MALRD1: variants seen among roughly 807,000 people sequenced by gnomAD.
MALRD1 encodes MAM and LDL-receptor class A domain-containing protein 1.
MALRD1 carries 247 observed loss-of-function variants against 242.1 expected under a neutral mutation model. The observed-to-expected ratio is 1.02, with a 90% CI of 0.92 to 1.13. MALRD1 has a LOEUF of 1.13. Among genes scored for constraint, MALRD1 ranks in the 50% most tolerant of loss-of-function variants. The pLI, the probability that MALRD1 is intolerant of heterozygous loss-of-function variation, is 0.00. For synonymous variants in MALRD1, 995 were observed against 866.6 expected (o/e 1.15, Z -2.60); for missense variants, 2,989 against 2,533.1 (o/e 1.18, Z -3.86).
In MALRD1 at chr10:19,216,115, C is replaced by CTT. The variant is rs1203339393; in HGVS notation, c.2991+6437_2991+6438dup. ...TTTCTACTTCTTTCTTTCTTTCTTT[C>CTT]TTTCTTTTTTTTTTTTTTTTGAGAC... On this transcript the variant is annotated intron_variant, in intron 18 of 39. Transcript: ENST00000454679. 7.5e-3 allele frequency among the ~76,000 whole-genome samples: 859 copies of CTT among 114,158 alleles called. 12 individuals carry two copies. The highest frequency in any genetic ancestry group is 0.024 in the African/African-American group (818 of 34,116). The allele number at this position is 114,158 out of a possible 152,430, so 74.9% of individuals were successfully genotyped here. A position where few individuals can be genotyped will look rare whatever the true frequency, so the allele number is the denominator to read the frequency against.
chr10:19,283,656 C>A (rs1320373862), intron 21 of MALRD1, among the ~76,000 whole-genome samples: 1 of 152,080 alleles, frequency 6.6e-6, no homozygotes, highest in Admixed American at 6.6e-5. Context: ...GGTAAATGTG[C>A]AGATTTTCAA....
chr10:19,450,831 T>C (rs745866237), intron 29 of MALRD1, among the ~76,000 whole-genome samples: 2 of 152,144 alleles, frequency 1.3e-5, no homozygotes, highest in Non-Finnish European at 2.9e-5. Flanking sequence ...TGGCACCTTC[T>C]TGCTGTGTCT....
intron 19 of MALRD1, among the ~76,000 whole-genome samples, chr10:19,262,738 A>G (rs944193008): frequency 3.3e-5 from 5 of 151,990 alleles, no homozygotes; most frequent in African/African-American, 1.2e-4. Context: ...TATAGTCAAC[A>G]GAACTTATTC....
At chr10:19,488,968 G>A (rs1837350889) in intron 29 of MALRD1, 1 of 433,474 alleles carries the variant, frequency 2.3e-6, no homozygotes, top group African/African-American at 2.0e-5. Flanking sequence ...AGCGGGGGCG[G>A]AGGAGAAGGC....
chr10:19,568,011 C>A (rs1339137847), intron 33 of MALRD1, among the ~76,000 whole-genome samples: 1 of 152,152 alleles, frequency 6.6e-6, no homozygotes, highest in Non-Finnish European at 1.5e-5. Flanking sequence ...AAGAACTGCA[C>A]AAGGCAAAGG....
At position 19,601,763 on chromosome 10, in the gene MALRD1, G is replaced by A. The variant is rs541390945; in HGVS notation, c.5945-6014G>A. Among the ~76,000 whole-genome samples the A allele has an allele frequency of 7.9e-5, 12 of 152,080 alleles. No homozygotes were observed. In the East Asian group the frequency reaches 2.3e-3, roughly 29 times the overall value. ...CCAGTCACAGTAGAAATTGGATGAAGAAATATGGATAAATTCCTATCTCCA... is the reference window on the plus strand; with the variant it reads ...CCAGTCACAGTAGAAATTGGATGAAAAAATATGGATAAATTCCTATCTCCA... On this transcript the variant is annotated intron_variant, in intron 34 of 39. Coordinates refer to ENST00000454679, the MANE Select transcript of MALRD1 (RefSeq NM_001142308.3).
At chr10:19,728,595 G>A (rs1835149952) in intron 38 of MALRD1, 1 of 152,240 alleles carries the variant, frequency 6.6e-6, no homozygotes, top group Non-Finnish European at 1.5e-5. Context: ...CTAGCCCTGT[G>A]GTTTGGGTTT....
At chr10:19,291,621 G>A (rs1377711846) in intron 21 of MALRD1, 1 of 152,046 alleles carries the variant, frequency 6.6e-6, no homozygotes, top group Non-Finnish European at 1.5e-5. Flanking sequence ...GAATCTCACT[G>A]TTAGGGGCTT....
chr10:19,256,563 G>C (rs763335768), intron 18 of MALRD1, among the ~76,000 whole-genome samples: 1 of 151,946 alleles, frequency 6.6e-6, no homozygotes, highest in Non-Finnish European at 1.5e-5. Flanking sequence ...ACAATGTCAG[G>C]GGGACTATAT....
chr10:19,298,437 T>C (rs557932942), intron 21 of MALRD1, among the ~76,000 whole-genome samples: 2 of 149,098 alleles, frequency 1.3e-5, no homozygotes, highest in Non-Finnish European at 3.0e-5. Flanking sequence ...AGAGAACTGA[T>C]AGGAAAGACA....
chr10:19,167,647 C>G (rs1834754895), intron 13 of MALRD1, among the ~76,000 whole-genome samples: 3 of 152,136 alleles, frequency 2.0e-5, no homozygotes, highest in Non-Finnish European at 4.4e-5. Flanking sequence ...AGCTCATACT[C>G]TAGGCGAAGT....
chr10:19,469,158 C>G (rs187214389), intron 29 of MALRD1, among the ~76,000 whole-genome samples: 1 of 151,852 alleles, frequency 6.6e-6, no homozygotes, highest in Admixed American at 6.6e-5. Context: ...TAATGTGAAC[C>G]CTTATTATAC....
chr10:19,415,286 G>A (rs1055395347), intron 28 of MALRD1, among the ~76,000 whole-genome samples: 2 of 152,044 alleles, frequency 1.3e-5, no homozygotes, highest in African/African-American at 4.8e-5. Context: ...ATACCTTATC[G>A]AGATTAGTAT....
chr10:19,315,226 A>C (rs796676183), intron 21 of MALRD1, among the ~76,000 whole-genome samples: 7 of 108,508 alleles, frequency 6.5e-5, no homozygotes, highest in East Asian at 2.7e-4. Context: ...AAATATATAA[A>C]TATAATTTAT....
chr10:19,080,200 A>T (rs957166571), intron 2 of MALRD1, among the ~76,000 whole-genome samples: 1 of 152,060 alleles, frequency 6.6e-6, no homozygotes, highest in African/African-American at 2.4e-5. Context: ...TGACCAAAGT[A>T]ATTTATAGAT....
chr10:19,290,525 A>G (rs1024029351), intron 21 of MALRD1: 3 of 152,176 alleles, frequency 2.0e-5, no homozygotes, highest in Non-Finnish European at 1.5e-5. Flanking sequence ...ATCAGTTGCA[A>G]TTTACATGTT....
At chr10:19,536,020 CTG>C (rs1176861535) in intron 32 of MALRD1, among the ~76,000 whole-genome samples, 4 of 152,188 alleles carry the variant, frequency 2.6e-5, no homozygotes, top group Admixed American at 2.6e-4. Flanking sequence ...AAATTGTAGA[CTG>C]TGGGAGTATG....
intron 10 of MALRD1, among the ~76,000 whole-genome samples, chr10:19,138,053 C>G (rs551027457): frequency 1.5e-4 from 23 of 152,270 alleles, no homozygotes; most frequent in African/African-American, 5.5e-4. Context: ...TCTTGGGAAG[C>G]TTGGATTTTA....
intron 38 of MALRD1, among the ~76,000 whole-genome samples, chr10:19,719,235 T>TACATACGTAC (rs745328536): frequency 1.7e-5 from 2 of 116,226 alleles, no homozygotes; most frequent in East Asian, 2.4e-4. Context: ...TATATATATA[T>TACATACGTAC]ATATATATAT....
Sources: allele counts gnomAD v4.1 joint callset (sites outside exome capture counted in the v4.1 genomes callset), GRCh38; gene constraint gnomAD v4.1.1; transcripts MANE v1.5; gene names NCBI Gene and HGNC (gene_info 2026-07-23, HGNC 2026-07-21).